The following TUSC3 variants were observed in gnomAD, a reference collection of about 807,000 sequenced individuals.
The protein encoded by TUSC3 is tumor suppressor candidate 3.
A neutral mutation model predicts 44.8 loss-of-function variants in TUSC3; 45 were observed. The ratio of observed to expected loss-of-function variants is 1.00; its 90% CI spans 0.79 to 1.29. The LOEUF is 1.29. Among genes scored for constraint, TUSC3 ranks in the 50% most tolerant of loss-of-function variants. The pLI is 0.00. For missense variants in TUSC3, 519 were observed against 437.9 expected (o/e 1.19, Z -1.65); for synonymous variants, 212 against 152.9 (o/e 1.39, Z -2.85).
chr8:15,630,585 G>A (rs73665463), intron 2 of TUSC3, among the ~76,000 whole-genome samples: 1,537 of 152,182 alleles, frequency 0.01, 24 homozygotes, highest in African/African-American at 0.036. Flanking sequence ...ACTGTTCAGG[G>A]TTGCGATTTG....
intron 2 of TUSC3, among the ~76,000 whole-genome samples, chr8:15,497,247 C>A (rs1028360312): frequency 1.3e-5 from 2 of 152,168 alleles, no homozygotes; most frequent in Non-Finnish European, 2.9e-5. Context: ...GTGTTAGCGT[C>A]TGCTTCCAAG....
chr8:15,794,180 G>A, the TUSC3 span, among the ~76,000 whole-genome samples: 1 of 152,162 alleles, frequency 6.6e-6, no homozygotes, highest in East Asian at 1.9e-4. Flanking sequence ...CAGGACCTCA[G>A]CATCATTTGG....
chr8:15,624,929 C>T (rs1472140150), intron 2 of TUSC3, among the ~76,000 whole-genome samples: 6 of 151,970 alleles, frequency 3.9e-5, no homozygotes, highest in South Asian at 2.1e-4. Context: ...TGATGTTTTA[C>T]AGTTTGATCT....
At chr8:15,417,439 T>A (rs2129114348) in intron 1 of TUSC3, 1 of 152,324 alleles carries the variant, frequency 6.6e-6, no homozygotes, top group East Asian at 1.9e-4. Flanking sequence ...AGTAGCTCAG[T>A]CTGATGATTC....
At chr8:15,682,012 C>A (rs1473308532) in intron 6 of TUSC3, among the ~76,000 whole-genome samples, 3 of 152,034 alleles carry the variant, frequency 2.0e-5, no homozygotes, top group Non-Finnish European at 2.9e-5. Context: ...TTTTATTCCA[C>A]TGTGATCTGA....
chr8:15,482,987 A>C (rs1031359235), intron 1 of TUSC3, among the ~76,000 whole-genome samples: 3 of 150,494 alleles, frequency 2.0e-5, no homozygotes, highest in African/African-American at 5.0e-5. Flanking sequence ...CTGTAGAAAA[A>C]TATCAAGTCA....
chr8:15,422,920 G>T (rs1024800049), intron 1 of TUSC3, among the ~76,000 whole-genome samples: 1 of 152,044 alleles, frequency 6.6e-6, no homozygotes, highest in Non-Finnish European at 1.5e-5. Context: ...TGGGATTACA[G>T]GTATGAGCCA....
At chr8:15,526,595 G>T (rs1439605031) in intron 2 of TUSC3, among the ~76,000 whole-genome samples, 1 of 152,048 alleles carries the variant, frequency 6.6e-6, no homozygotes, top group Non-Finnish European at 1.5e-5. Context: ...CTTTCTCTTG[G>T]CTCTCATTCT....
intron 1 of TUSC3, among the ~76,000 whole-genome samples, chr8:15,456,923 C>A (rs1451549504): frequency 6.6e-6 from 1 of 152,054 alleles, no homozygotes; most frequent in Non-Finnish European, 1.5e-5. Flanking sequence ...ATATTAAGAA[C>A]ACTTATTCAT....
chr8:15,845,641 C>A, the TUSC3 span, among the ~76,000 whole-genome samples: 2 of 152,214 alleles, frequency 1.3e-5, no homozygotes, highest in African/African-American at 4.8e-5. Context: ...CCTTTTGTAG[C>A]CCTGAGTTGT....
rs181746736 is a variant in TUSC3 at position 15,696,294 on chromosome 8, C to A, written c.798+22458C>A. On this transcript the variant is annotated intron_variant, in intron 6 of 10. Transcript: ENST00000503731. Reference sequence around the variant, plus strand: ...CAAGGTACAGCTCGGGATGTGGATTCCGAGGGCACAAGCTCCAAGCCTTGG... The same window carrying A: ...CAAGGTACAGCTCGGGATGTGGATTACGAGGGCACAAGCTCCAAGCCTTGG... Among the ~76,000 whole-genome samples the A allele has an allele frequency of 2.6e-5, 4 of 152,254 alleles. No homozygotes were observed. The East Asian group carries it at 7.8e-4, about 30-fold the overall frequency.
At chr8:15,696,376 C>T (rs1190036700) in intron 6 of TUSC3, among the ~76,000 whole-genome samples, 10 of 152,174 alleles carry the variant, frequency 6.6e-5, no homozygotes, top group African/African-American at 2.4e-4. Context: ...GTTTGGGAAC[C>T]TCTGTATAGA....
At chr8:15,665,225 A>G (rs562930572) in intron 5 of TUSC3, among the ~76,000 whole-genome samples, 1 of 151,718 alleles carries the variant, frequency 6.6e-6, no homozygotes, top group East Asian at 1.9e-4. Context: ...AACAGTAATG[A>G]ACCTTGTAAG....
intron 1 of TUSC3, among the ~76,000 whole-genome samples, chr8:15,591,241 T>A (rs961973502): frequency 2.0e-5 from 3 of 152,176 alleles, no homozygotes; most frequent in African/African-American, 7.2e-5. Context: ...AATTAGTTAT[T>A]TAAATAACTT....
intron 1 of TUSC3, among the ~76,000 whole-genome samples, chr8:15,442,092 C>G (rs927390902): frequency 6.6e-6 from 1 of 152,102 alleles, no homozygotes; most frequent in African/African-American, 2.4e-5. Context: ...AACACTGACT[C>G]CAAACTATTA....
At chr8:15,766,666 G>A (rs1812333959), downstream of TUSC3, 1 of 152,068 alleles carries the variant, frequency 6.6e-6, no homozygotes, top group Non-Finnish European at 1.5e-5. Flanking sequence ...GCTTACTGCA[G>A]TTTTCTTTTA....
chr8:15,728,100 A>C (rs976367798), intron 6 of TUSC3, among the ~76,000 whole-genome samples: 1 of 152,200 alleles, frequency 6.6e-6, no homozygotes, highest in Non-Finnish European at 1.5e-5. Context: ...TTGAAAAGAA[A>C]TACATAGGTT....
At chr8:15,693,835 C>A (rs949744002) in intron 6 of TUSC3, among the ~76,000 whole-genome samples, 1 of 151,984 alleles carries the variant, frequency 6.6e-6, no homozygotes, top group Non-Finnish European at 1.5e-5. Context: ...AGGTTCTGTT[C>A]ATTCTTTATT....
chr8:15,594,244 C>G (rs111835335), intron 1 of TUSC3, among the ~76,000 whole-genome samples: 1 of 151,974 alleles, frequency 6.6e-6, no homozygotes, highest in Non-Finnish European at 1.5e-5. Flanking sequence ...TTTTATTTCA[C>G]GTGTTGTAGT....
Sources: gnomAD v4.1 joint callset for allele counts (sites outside exome capture counted in the v4.1 genomes callset) on GRCh38, gnomAD v4.1.1 for gene constraint, MANE v1.5 for transcripts, NCBI Gene and HGNC (gene_info 2026-07-23, HGNC 2026-07-21) for gene names.